DLG2: variants seen among roughly 807,000 people sequenced by gnomAD.
DLG2 encodes the protein disks large homolog 2.
In DLG2, 45 loss-of-function variants were observed where a neutral mutation model predicts 132.5. That is an observed-to-expected ratio of 0.34 (90% CI 0.27 to 0.44). The LOEUF (loss-of-function observed/expected upper bound fraction) is 0.44, where lower values mean the gene tolerates loss of function less well. DLG2 is among the 20% of genes least tolerant of loss of function. DLG2 has a pLI of 1.00. For synonymous variants in DLG2, 424 were observed against 419.6 expected (o/e 1.01, Z -0.13); for missense variants, 1,045 against 1,196.9 (o/e 0.87, Z 1.87).
At chr11:83,499,852 GATATATATATATATAT>G (rs60890814) in intron 21 of DLG2, among the ~76,000 whole-genome samples, 1,482 of 61,644 alleles carry the variant, frequency 0.024, 41 homozygotes, top group South Asian at 0.049. Context: ...ACTAATAGGA[GATATATATATATATAT>G]ATATATATAT....
chr11:83,606,250 A>G (rs2153392997), intron 19 of DLG2, among the ~76,000 whole-genome samples: 1 of 152,348 alleles, frequency 6.6e-6, no homozygotes, highest in Non-Finnish European at 1.5e-5. Flanking sequence ...ATATATGCTA[A>G]CATTTATAGA....
At chr11:85,606,026 G>T (rs930174087) in intron 2 of DLG2, among the ~76,000 whole-genome samples, 1 of 152,048 alleles carries the variant, frequency 6.6e-6, no homozygotes, top group Non-Finnish European at 1.5e-5. Flanking sequence ...TACCATGGGA[G>T]TAGAGAATTA....
At chr11:85,616,937 T>G (rs1255220604) in intron 2 of DLG2, among the ~76,000 whole-genome samples, 1 of 152,078 alleles carries the variant, frequency 6.6e-6, no homozygotes, top group Non-Finnish European at 1.5e-5. Flanking sequence ...ACACAACAAC[T>G]CATATGTCAG....
intron 3 of DLG2, among the ~76,000 whole-genome samples, chr11:85,495,333 G>T (rs2093646286): frequency 6.6e-6 from 1 of 151,974 alleles, no homozygotes; most frequent in Non-Finnish European, 1.5e-5. Context: ...ATATACTCTA[G>T]AAGTGAACAG....
At chr11:83,572,446 CA>C (rs1288091772) in intron 19 of DLG2, among the ~76,000 whole-genome samples, 2 of 150,352 alleles carry the variant, frequency 1.3e-5, no homozygotes, top group Non-Finnish European at 3.0e-5. Context: ...AGCTAGAAAA[CA>C]AGACCAAATA....
At chr11:85,335,908 A>G (rs1198283600) in intron 3 of DLG2, among the ~76,000 whole-genome samples, 1 of 152,142 alleles carries the variant, frequency 6.6e-6, no homozygotes, top group Non-Finnish European at 1.5e-5. Flanking sequence ...ACAAACCTGC[A>G]TGTTCTGCAC....
intron 7 of DLG2, among the ~76,000 whole-genome samples, chr11:84,291,887 T>A (rs1173857599): frequency 3.3e-5 from 5 of 152,216 alleles, no homozygotes; most frequent in Non-Finnish European, 7.3e-5. Context: ...AAGTAGGTTA[T>A]CTTCAATAGT....
intron 6 of DLG2, among the ~76,000 whole-genome samples, chr11:84,544,573 T>A (rs1193000633): frequency 6.6e-6 from 1 of 152,200 alleles, no homozygotes; most frequent in East Asian, 1.9e-4. Flanking sequence ...GGAAAGTGCA[T>A]GAATTCTGGC....
At chr11:84,250,849 T>C (rs879180102) in intron 8 of DLG2, among the ~76,000 whole-genome samples, 1 of 152,200 alleles carries the variant, frequency 6.6e-6, no homozygotes, top group Non-Finnish European at 1.5e-5. Context: ...TCCATAAAAA[T>C]ATTTATTGAT....
chr11:85,096,379 C>T (rs2069772765), intron 6 of DLG2, among the ~76,000 whole-genome samples: 1 of 152,074 alleles, frequency 6.6e-6, no homozygotes, highest in Non-Finnish European at 1.5e-5. Flanking sequence ...GTTAGCAAGA[C>T]CACGAACCCA....
chr11:85,385,920 C>A (rs1200494488), intron 3 of DLG2, among the ~76,000 whole-genome samples: 1 of 152,142 alleles, frequency 6.6e-6, no homozygotes, highest in Admixed American at 6.5e-5. Flanking sequence ...TACTCCACCC[C>A]ACATTCCCTG....
At chr11:85,225,723 G>A (rs561057143) in intron 4 of DLG2, among the ~76,000 whole-genome samples, 1 of 151,936 alleles carries the variant, frequency 6.6e-6, no homozygotes, top group African/African-American at 2.4e-5. Context: ...GTTGACTTGG[G>A]GCAGATATTC....
chr11:84,553,180 C>G (rs946037312), intron 6 of DLG2, among the ~76,000 whole-genome samples: 1 of 152,236 alleles, frequency 6.6e-6, no homozygotes, highest in Non-Finnish European at 1.5e-5. Flanking sequence ...CTTATTCCCC[C>G]CAAAATGTGG....
intron 15 of DLG2, among the ~76,000 whole-genome samples, chr11:83,929,525 G>C (rs2079741029): frequency 6.6e-6 from 1 of 152,100 alleles, no homozygotes; most frequent in Non-Finnish European, 1.5e-5. Flanking sequence ...TATAGGCTTT[G>C]GAATACTAAC....
chr11:84,497,924 T>C (rs565658025), intron 7 of DLG2, among the ~76,000 whole-genome samples: 15 of 152,220 alleles, frequency 9.9e-5, no homozygotes, highest in African/African-American at 3.4e-4. Context: ...TGTAACCAAC[T>C]GGCAATCAAG....
At chr11:85,523,416 A>G (rs1315995700) in intron 3 of DLG2, among the ~76,000 whole-genome samples, 1 of 152,208 alleles carries the variant, frequency 6.6e-6, no homozygotes, top group Non-Finnish European at 1.5e-5. Flanking sequence ...TAAAAATGGG[A>G]AAAAGATCTA....
chr11:83,685,610 G>A (rs1020318067), intron 18 of DLG2, among the ~76,000 whole-genome samples: 1 of 151,880 alleles, frequency 6.6e-6, no homozygotes, highest in Non-Finnish European at 1.5e-5. Flanking sequence ...TTTGTCATTA[G>A]ACTTCTTTTT....
In DLG2 at chr11:83,795,224, C is replaced by T. The variant is rs1006218773; in HGVS notation, c.1723-8432G>A. On this transcript the variant is annotated intron_variant, in intron 17 of 27. Coordinates refer to ENST00000376104, the MANE Select transcript of DLG2 (RefSeq NM_001142699.3). ...ATTGAGACCATCCTGGCTAACATGG[C>T]GAAACCCCGTCTCTACTAAAAATAC... Among the ~76,000 whole-genome samples, 14 of 151,696 alleles carry T rather than the reference C, an allele frequency of 9.2e-5. No individual in the cohort carries two copies. In the East Asian group the frequency reaches 1.7e-3, roughly 19 times the overall value.
intron 6 of DLG2, among the ~76,000 whole-genome samples, chr11:84,836,235 A>G (rs1434203356): frequency 1.3e-5 from 2 of 151,994 alleles, no homozygotes; most frequent in East Asian, 1.9e-4. Context: ...TCAGAAATTT[A>G]CAAGTAACTT....
Sources: gnomAD v4.1 joint callset for allele counts (sites outside exome capture counted in the v4.1 genomes callset) on GRCh38, gnomAD v4.1.1 for gene constraint, MANE v1.5 for transcripts, NCBI Gene and HGNC (gene_info 2026-07-23, HGNC 2026-07-21) for gene names.